The following SCMH1 variants were observed in gnomAD, a reference collection of about 807,000 sequenced individuals.
The protein encoded by SCMH1 is polycomb protein SCMH1.
Under a neutral mutation model 70.8 loss-of-function variants are expected in SCMH1, and 37 were observed. The observed-to-expected ratio is 0.52, with a 90% CI of 0.40 to 0.69. The LOEUF is 0.69. Among genes scored for constraint, SCMH1 ranks in the 30% least tolerant of loss-of-function variants. The pLI is 0.00. For missense variants in SCMH1, 607 were observed against 827.3 expected (o/e 0.73, Z 3.27); for synonymous variants, 292 against 307.4 (o/e 0.95, Z 0.52).
At chr1:41,069,438 C>T (rs1012483822) in intron 10 of SCMH1, among the ~76,000 whole-genome samples, 2 of 152,100 alleles carry the variant, frequency 1.3e-5, no homozygotes, top group African/African-American at 2.4e-5. Flanking sequence ...CAGGGGGATA[C>T]GAGGTATGTT....
At chr1:41,207,795 T>C (rs899130671) in intron 1 of SCMH1, among the ~76,000 whole-genome samples, 4 of 151,986 alleles carry the variant, frequency 2.6e-5, no homozygotes, top group South Asian at 2.1e-4. Context: ...GGAGAGGATG[T>C]GGAGAAATAG....
chr1:41,066,433 CTG>C (rs1654613990), intron 10 of SCMH1, among the ~76,000 whole-genome samples: 1 of 152,182 alleles, frequency 6.6e-6, no homozygotes, highest in South Asian at 2.1e-4. Context: ...TCCTTGCTTT[CTG>C]TGTTTCCTGT....
chr1:41,047,392 CTTTTTTTTTTT>C (rs397861246), intron 11 of SCMH1, among the ~76,000 whole-genome samples: 1 of 112,454 alleles, frequency 8.9e-6, no homozygotes, highest in East Asian at 2.8e-4. Flanking sequence ...ACTTCCCAGT[CTTTTTTTTTTT>C]TTTTTTTTTT....
intron 14 of SCMH1, 101 bp downstream of exon 15, chr1:41,028,481 CTT>C (rs1209401425): frequency 6.5e-7 from 1 of 1,535,516 alleles, no homozygotes; most frequent in African/African-American, 1.4e-5. Context: ...TCTCCTCAGC[CTT>C]TGTCTCTAAG....
At chr1:41,028,425 C>T in intron 14 of SCMH1, 106 bp from the exon 16 acceptor site, 1 of 1,525,410 alleles carries the variant, frequency 6.6e-7, no homozygotes, top group Non-Finnish European at 9.0e-7. Context: ...GAAGTGCCCG[C>T]CACATGGAGT....
At position 41,180,590 on chromosome 1, in the gene SCMH1, A is replaced by G. The variant is rs532933951; in HGVS notation, c.13+5531T>C. Reference sequence around the variant, plus strand: ...AGAGCCAAATCATGAGTGAACTCCCATTCACAATTGCTTCAAAGAGAATAA... The same window carrying G: ...AGAGCCAAATCATGAGTGAACTCCCGTTCACAATTGCTTCAAAGAGAATAA... On this transcript the variant is annotated intron_variant, in intron 2 of 14. Coordinates refer to ENST00000337495, the Ensembl canonical transcript of SCMH1. Among the ~76,000 whole-genome samples, 8 of 152,344 alleles carry G rather than the reference A, an allele frequency of 5.3e-5. No individual in the cohort carries two copies. The South Asian group carries it at 1.7e-3, about 32-fold the overall frequency.
At chr1:41,142,939 T>C (rs759110608) in exon 6 of SCMH1, 31 of 1,614,196 alleles carry the variant, frequency 1.9e-5, no homozygotes, top group Non-Finnish European at 2.6e-5. Context: ...GGATTTCAGC[T>C]GAGTCAACCA....
intron 1 of SCMH1, among the ~76,000 whole-genome samples, chr1:41,214,420 ATT>A (rs1216928258): frequency 1.3e-5 from 2 of 152,218 alleles, no homozygotes; most frequent in East Asian, 3.9e-4. Context: ...TCTGACTCAT[ATT>A]TTGTCTTACT....
chr1:41,109,735 G>C (rs533385155), intron 8 of SCMH1, among the ~76,000 whole-genome samples: 2 of 152,272 alleles, frequency 1.3e-5, no homozygotes, highest in South Asian at 4.1e-4. Context: ...ACAGAAGAGA[G>C]GAAAACAGTC....
chr1:41,228,780 T>C (rs905073011), intron 1 of SCMH1, among the ~76,000 whole-genome samples: 1 of 151,312 alleles, frequency 6.6e-6, no homozygotes, highest in Non-Finnish European at 1.5e-5. Flanking sequence ...GTAGAGAGAA[T>C]AGTATAATTA....
At chr1:41,153,238 A>G (rs1313769781) in intron 4 of SCMH1, among the ~76,000 whole-genome samples, 1 of 152,198 alleles carries the variant, frequency 6.6e-6, no homozygotes, top group Admixed American at 6.5e-5. Context: ...GTGCTGACTA[A>G]AATGTTCTGT....
intron 1 of SCMH1, among the ~76,000 whole-genome samples, chr1:41,192,869 C>G (rs1480116641): frequency 6.6e-6 from 1 of 152,154 alleles, no homozygotes; most frequent in Admixed American, 6.6e-5. Flanking sequence ...TATCCAAAGC[C>G]CACTCCTAGA....
At chr1:41,182,170 A>G (rs1421543564) in intron 2 of SCMH1, among the ~76,000 whole-genome samples, 1 of 152,170 alleles carries the variant, frequency 6.6e-6, no homozygotes, top group African/African-American at 2.4e-5. Flanking sequence ...GGACACAGGA[A>G]GGGGAACATC....
At chr1:41,035,424 A>C (rs1645147762) in intron 13 of SCMH1, among the ~76,000 whole-genome samples, 1 of 152,190 alleles carries the variant, frequency 6.6e-6, no homozygotes. Flanking sequence ...ACTAGTCTCC[A>C]AGCATAGTTG....
intron 10 of SCMH1, among the ~76,000 whole-genome samples, chr1:41,051,607 T>C (rs1471123642): frequency 6.6e-6 from 1 of 152,128 alleles, no homozygotes; most frequent in African/African-American, 2.4e-5. Context: ...TGTGTGTGTA[T>C]GTCTTGGGTT....
intron 1 of SCMH1, among the ~76,000 whole-genome samples, chr1:41,221,289 T>G (rs912627564): frequency 6.6e-6 from 1 of 152,012 alleles, no homozygotes; most frequent in Non-Finnish European, 1.5e-5. Context: ...GGGTACAGTT[T>G]TAATTGGGGA....
intron 8 of SCMH1, among the ~76,000 whole-genome samples, chr1:41,082,278 T>G (rs1431954885): frequency 2.0e-5 from 3 of 151,274 alleles, no homozygotes; most frequent in Non-Finnish European, 4.4e-5. Flanking sequence ...TTCACCAAAG[T>G]TGAAATGAAG....
At chr1:41,095,670 C>T (rs143969982) in intron 8 of SCMH1, among the ~76,000 whole-genome samples, 2,485 of 152,160 alleles carry the variant, frequency 0.016, 26 homozygotes, top group South Asian at 0.034. Flanking sequence ...GTTGAACATG[C>T]GAATATATAT....
intron 13 of SCMH1, among the ~76,000 whole-genome samples, chr1:41,031,533 A>C (rs1489708999): frequency 1.3e-5 from 2 of 152,216 alleles, no homozygotes; most frequent in Non-Finnish European, 2.9e-5. Flanking sequence ...ATAGTTGGGC[A>C]CTGGGGAGAG....
Sources: allele counts gnomAD v4.1 joint callset (sites outside exome capture counted in the v4.1 genomes callset), GRCh38; gene constraint gnomAD v4.1.1; transcripts MANE v1.5; gene names NCBI Gene and HGNC (gene_info 2026-07-23, HGNC 2026-07-21).